PCDHGA1: variants seen among roughly 807,000 people sequenced by gnomAD.
PCDHGA1 encodes the protein protocadherin gamma subfamily A, 1.
A neutral mutation model predicts 58.0 loss-of-function variants in PCDHGA1; 32 were observed. That is an observed-to-expected ratio of 0.55 (90% CI 0.42 to 0.74). The LOEUF (loss-of-function observed/expected upper bound fraction) is 0.74, where lower values mean the gene tolerates loss of function less well. Among genes scored for constraint, PCDHGA1 ranks in the 30% least tolerant of loss-of-function variants. PCDHGA1 has a pLI of 0.00. For synonymous variants in PCDHGA1, 498 were observed against 501.1 expected (o/e 0.99, Z 0.08); for missense variants, 1,205 against 1,182.3 (o/e 1.02, Z -0.28).
At position 141,477,112 on chromosome 5, in the gene PCDHGA1, A is replaced by C. The variant is rs745449028; in HGVS notation, c.2422-17695A>C. The C allele has an allele frequency of 2.5e-6, 4 of 1,614,262 alleles. No homozygotes were observed. The South Asian group carries it at 4.4e-5, about 18-fold the overall frequency. Reference sequence around the variant, plus strand: ...CCAAAGACAAGGGCGCCAATCCCGAAGGAGCACATTGCAAAGTGTTGGTGG... The same window carrying C: ...CCAAAGACAAGGGCGCCAATCCCGACGGAGCACATTGCAAAGTGTTGGTGG... On this transcript the variant is annotated intron_variant, in intron 1 of 3. Transcript: ENST00000517417. This position sits in a 1 kb window ranked among gnomAD's most constrained non-coding sequence, Gnocchi z 4.9.
chr5:141,443,392 T>C (rs151260637), intron 1 of PCDHGA1, among the ~76,000 whole-genome samples: 1,653 of 151,736 alleles, frequency 0.011, 7 homozygotes, highest in Middle Eastern at 0.038. Flanking sequence ...GGCTGAGGTG[T>C]GAGGATCACC....
chr5:141,352,423 C>T, intron 1 of PCDHGA1: 1 of 1,614,070 alleles, frequency 6.2e-7, no homozygotes, highest in Non-Finnish European at 8.5e-7. Flanking sequence ...ACACTGAGGG[C>T]TGCTTTCAAA....
chr5:141,340,567 G>A (rs1756958704), intron 1 of PCDHGA1: 1 of 1,614,244 alleles, frequency 6.2e-7, no homozygotes, highest in Non-Finnish European at 8.5e-7. Flanking sequence ...AAGTGTGGGT[G>A]ATAGCGCGGG....
intron 1 of PCDHGA1, chr5:141,479,743 T>C (rs2154578017): frequency 6.6e-6 from 1 of 152,356 alleles, no homozygotes; most frequent in African/African-American, 2.4e-5. Flanking sequence ...ATATGCACAA[T>C]GTGAAAGGTA....
rs2099710738 is a variant in PCDHGA1, at chr5:141,491,331, T to C, written c.2422-3476T>C. 6.2e-7 allele frequency: 1 copy of C among 1,614,170 alleles called. No homozygotes were observed. The highest frequency in any genetic ancestry group is 8.5e-7 in the Non-Finnish European group (1 of 1,180,018). On this transcript the variant is annotated intron_variant, in intron 1 of 3. Coordinates refer to ENST00000517417, the MANE Select transcript of PCDHGA1 (RefSeq NM_018912.3). The surrounding 1 kb of genome is among the most constrained non-coding windows in gnomAD (Gnocchi z 6.9). ...ACCTTACCCTTTACCTCATTGTGGC[T>C]CTAGCGACCGTCAGTCTCTTATCCC...
chr5:141,346,413 A>G, intron 1 of PCDHGA1: 1 of 1,614,280 alleles, frequency 6.2e-7, no homozygotes, highest in Non-Finnish European at 8.5e-7. Context: ...TCTTCTGATA[A>G]CTCAGGATTT....
chr5:141,350,501 T>A (rs750036904), intron 1 of PCDHGA1: 12 of 1,614,050 alleles, frequency 7.4e-6, no homozygotes, highest in Non-Finnish European at 1.0e-5. Flanking sequence ...GAGCGGGGAT[T>A]TGTTAGTGAA....
rs767489656 is a variant in PCDHGA1, at chr5:141,340,261, C to G, written c.2421+7156C>G. On this transcript the variant is annotated intron_variant, in intron 1 of 3. Transcript: ENST00000517417. ...TAACCGCTAAAGATGGAGGGAACCC[C>G]TCCCTGTCCACGGATGCTCACATTT... The G allele has an allele frequency of 3.7e-6, 6 of 1,614,080 alleles. No homozygotes were observed. In the African/African-American group the frequency reaches 8.0e-5, roughly 22 times the overall value.
At chr5:141,333,192 G>A (rs1756451809) in intron 1 of PCDHGA1, 87 bp downstream of exon 1, 1 of 1,582,332 alleles carries the variant, frequency 6.3e-7, no homozygotes, top group Non-Finnish European at 8.6e-7. Context: ...GCTACAGATA[G>A]TTCTTCTAAC....
intron 1 of PCDHGA1, chr5:141,422,576 CTCCCGTTTT>C: frequency 6.2e-7 from 1 of 1,614,034 alleles, no homozygotes; most frequent in African/African-American, 1.3e-5. Context: ...AACGATAACC[CTCCCGTTTT>C]TCCTCACTCC....
intron 1 of PCDHGA1, among the ~76,000 whole-genome samples, chr5:141,443,873 T>A (rs1250320938): frequency 6.6e-6 from 1 of 152,100 alleles, no homozygotes; most frequent in Non-Finnish European, 1.5e-5. Context: ...AAATTACTGA[T>A]AAGTCAAGAG....
chr5:141,421,916 G>T (rs754653877), intron 1 of PCDHGA1: 1 of 1,613,528 alleles, frequency 6.2e-7, no homozygotes. Flanking sequence ...GTTCCCATTC[G>T]TGTGGTGGTC....
In PCDHGA1 at chr5:141,344,269, C is replaced by G. The variant is rs755902175; in HGVS notation, c.2421+11164C>G. The G allele has an allele frequency of 1.7e-5, 28 of 1,614,068 alleles. No individual in the cohort carries two copies. The East Asian group carries it at 6.2e-4, about 36-fold the overall frequency. Reference sequence around the variant, plus strand: ...AGGACGCAGCTTTTCTCTCTGAATCCGCAAAGCGGCAGCTTGGTCACCGCG... The same window carrying G: ...AGGACGCAGCTTTTCTCTCTGAATCGGCAAAGCGGCAGCTTGGTCACCGCG... On this transcript the variant is annotated intron_variant, in intron 1 of 3. Transcript: ENST00000517417.
At chr5:141,404,381 T>A (rs762394525) in intron 1 of PCDHGA1, 5 of 1,613,954 alleles carry the variant, frequency 3.1e-6, no homozygotes, top group Middle Eastern at 1.6e-4. Context: ...CGTGATTGCC[T>A]ATGACCCTGA....
At chr5:141,478,117 C>T (rs1419172538) in intron 1 of PCDHGA1, 2 of 1,614,058 alleles carry the variant, frequency 1.2e-6, no homozygotes, top group East Asian at 4.5e-5. Flanking sequence ...TGTCAGTAAC[C>T]GAGGACTCTC....
At chr5:141,416,711 C>G (rs962144454) in intron 1 of PCDHGA1, 1 of 152,152 alleles carries the variant, frequency 6.6e-6, no homozygotes, top group South Asian at 2.1e-4. Context: ...ATTGGAGGTA[C>G]TGATGAGTTC....
intron 1 of PCDHGA1, chr5:141,441,995 G>T: frequency 8.1e-6 from 2 of 246,740 alleles, no homozygotes; most frequent in Non-Finnish European, 8.0e-6. Flanking sequence ...CCGACGAGGT[G>T]CTGACAGCTC....
chr5:141,437,617 C>G (rs570138576), intron 1 of PCDHGA1, among the ~76,000 whole-genome samples: 1 of 152,220 alleles, frequency 6.6e-6, no homozygotes, highest in South Asian at 2.1e-4. Context: ...CTGCTTTATC[C>G]CCATATAAGA....
chr5:141,389,676 C>T, intron 1 of PCDHGA1: 1 of 1,612,444 alleles, frequency 6.2e-7, no homozygotes, highest in Non-Finnish European at 8.5e-7. Context: ...AGACTCAGGA[C>T]ACAACGCCTG....
Sources: allele counts gnomAD v4.1 joint callset (sites outside exome capture counted in the v4.1 genomes callset), GRCh38; gene constraint gnomAD v4.1.1; non-coding constraint Gnocchi (gnomAD v3.1); transcripts MANE v1.5; gene names NCBI Gene and HGNC (gene_info 2026-07-23, HGNC 2026-07-21).